The following SRSF3 variants were observed in gnomAD, a reference collection of about 807,000 sequenced individuals.
SRSF3 encodes serine and arginine rich splicing factor 3.
For missense variants in SRSF3, 58 were observed against 217.1 expected (o/e 0.27, Z 4.61); for synonymous variants, 87 against 73.6 (o/e 1.18, Z -0.93).
chr6:36,600,329 G>A (rs1251561011), intron 3 of SRSF3: 3 of 958,502 alleles, frequency 3.1e-6, no homozygotes, highest in South Asian at 4.5e-5. Context: ...AGGAGTAAGC[G>A]GCTTAAAGTA....
rs947994734 is a variant in SRSF3 at position 36,596,855 on chromosome 6, C to T, written c.93C>T (p.Gly31=). The T allele has an allele frequency of 3.7e-6, 6 of 1,613,990 alleles. No homozygotes were observed. The highest frequency in any genetic ancestry group is 3.3e-5 in the South Asian group (3 of 91,072). Residue 31 remains glycine, a synonymous_variant, in exon 2 of 6, where the codon GGC becomes GGT. Coordinates refer to ENST00000373715, the MANE Select transcript of SRSF3 (RefSeq NM_003017.5). ...AGACGGAATTGGAACGGGCTTTTGG[C>T]TACTATGGACCACTCCGAAGTGTGT... ...GNKTELERAF[G]YYGPLRSVWV...
At chr6:36,595,852 A>G (rs73408326) in intron 1 of SRSF3, among the ~76,000 whole-genome samples, 4,029 of 152,272 alleles carry the variant, frequency 0.026, 62 homozygotes, top group African/African-American at 0.039. Flanking sequence ...ACTCTGGTCT[A>G]TCTAATGACA....
chr6:36,605,508 G>A lies in SRSF3; in HGVS notation c.*3519G>A, dbSNP rs1418298000. On this transcript the variant is annotated 3_prime_UTR_variant, in exon 6 of 6. Coordinates refer to ENST00000373715, the MANE Select transcript of SRSF3 (RefSeq NM_003017.5). ...GTCTCCAAAAAAAAAAAAAAAGTTT[G>A]TTTTGGTAAGCCTAGTATAATTGAT... The A allele has an allele frequency of 1.3e-5, 2 of 151,064 alleles. No homozygotes were observed. The highest frequency in any genetic ancestry group is 3.0e-5 in the Non-Finnish European group (2 of 67,732). 9.4% of individuals were successfully genotyped at this position (151,064 alleles called of 1,614,324 possible). A position where few individuals can be genotyped will look rare whatever the true frequency, so the allele number is the denominator to read the frequency against.
At chr6:36,601,328 T>C in intron 4 of SRSF3, 138 bp downstream of exon 4, 1 of 822,056 alleles carries the variant, frequency 1.2e-6, no homozygotes, top group Non-Finnish European at 1.9e-6. Flanking sequence ...GAGTCAGCTT[T>C]CTTTGAGTTT....
At position 36,601,240 on chromosome 6, in the gene SRSF3, G is replaced by T. The variant is rs774514710; in HGVS notation, c.380+50G>T. The stretch of plus-strand genomic sequence containing the variant: ...CGTTCTTAGAAATGGCAGTGTTTCT[G>T]CTATTCCTAAACTTTTCCAGGTGGC... On this transcript the variant is annotated intron_variant, in intron 4 of 5. Coordinates refer to ENST00000373715, the MANE Select transcript of SRSF3 (RefSeq NM_003017.5). 6 of 1,602,456 alleles carry T rather than the reference G, an allele frequency of 3.7e-6. No homozygotes were observed. In the African/African-American group the frequency reaches 6.7e-5, roughly 18 times the overall value.
At chr6:36,596,640 T>C in intron 1 of SRSF3, 121 bp from the exon 2 acceptor site, 1 of 856,284 alleles carries the variant, frequency 1.2e-6, no homozygotes, top group Non-Finnish European at 1.8e-6. Context: ...TTTGTAATTT[T>C]TTTTTCTTTA....
rs1315607090 is a variant in SRSF3, at chr6:36,603,870, T to C, written c.*1881T>C. Reference sequence around the variant, plus strand: ...CAGTATATGACTTCCTTGCAGGCTCTTAAGTTGGAAGGGTTTCTGTAAAAA... The same window carrying C: ...CAGTATATGACTTCCTTGCAGGCTCCTAAGTTGGAAGGGTTTCTGTAAAAA... On this transcript the variant is annotated 3_prime_UTR_variant, in exon 6 of 6. Coordinates refer to ENST00000373715, the MANE Select transcript of SRSF3 (RefSeq NM_003017.5). 1 of 231,208 alleles carries C rather than the reference T, an allele frequency of 4.3e-6. No homozygotes were observed. The highest frequency in any genetic ancestry group is 8.6e-6 in the Non-Finnish European group (1 of 116,908). 14.3% of individuals were successfully genotyped at this position (231,208 alleles called of 1,614,324 possible). A position where few individuals can be genotyped will look rare whatever the true frequency, so the allele number is the denominator to read the frequency against.
rs1778794411 is a variant in SRSF3 at position 36,605,523 on chromosome 6, G to A, written c.*3534G>A. 6.6e-6 allele frequency: 1 copy of A among 151,720 alleles called. No homozygotes were observed. Among genetic ancestry groups the A allele is most frequent in the Non-Finnish European group, 1.5e-5 (1 of 67,936 alleles). The allele number at this position is 151,720 out of a possible 1,614,324, so 9.4% of individuals were successfully genotyped here. ...AAAAAAGTTTGTTTTGGTAAGCCTA[G>A]TATAATTGATTAGTTTTGTCCATGC... On this transcript the variant is annotated 3_prime_UTR_variant, in exon 6 of 6. Transcript: ENST00000373715.
intron 2 of SRSF3, chr6:36,597,240 G>A (rs1051092257): frequency 8.5e-5 from 41 of 479,648 alleles, no homozygotes; most frequent in South Asian, 8.3e-4. Flanking sequence ...TGAGTAACTG[G>A]GACTACAGGC....
chr6:36,601,577 C>T (rs1582514443), intron 4 of SRSF3, 131 bp from the exon 5 acceptor site: 3 of 826,138 alleles, frequency 3.6e-6, no homozygotes, highest in African/African-American at 1.7e-5. Context: ...CTCTTGGCTT[C>T]AAGTGAGCCT....
chr6:36,596,897 A>T lies in SRSF3; in HGVS notation c.135A>T (p.Pro45=). 1.9e-6 allele frequency: 3 copies of T among 1,614,018 alleles called. No homozygotes were observed. The highest frequency in any genetic ancestry group is 2.5e-6 in the Non-Finnish European group (3 of 1,179,986). Residue 45 remains proline, a synonymous_variant, in exon 2 of 6, where the codon CCA becomes CCT. Transcript: ENST00000373715. ...GAAGTGTGTGGGTTGCTAGAAACCC[A>T]CCCGGCTTTGCTTTTGTTGAATTTG... is the stretch of plus-strand genomic sequence containing the variant. ...PLRSVWVARN[P]PGFAFVEFED...
intron 1 of SRSF3, among the ~76,000 whole-genome samples, 195 bp from the exon 2 acceptor site, chr6:36,596,566 C>CGG (rs1778630774): frequency 1.7e-4 from 1 of 5,962 alleles, no homozygotes; most frequent in Non-Finnish European, 3.2e-4. Flanking sequence ...GATAATGGGG[C>CGG]GGGGTGGCGG....
chr6:36,598,777 A>G, intron 2 of SRSF3, 72 bp from the exon 3 acceptor site: 1 of 1,547,514 alleles, frequency 6.5e-7, no homozygotes, highest in Non-Finnish European at 8.8e-7. Flanking sequence ...TAGCCAACTG[A>G]GAGTACTTTT....
chr6:36,601,076 A>G (rs2127506447), intron 3 of SRSF3, 76 bp from the exon 4 acceptor site: 1 of 1,263,712 alleles, frequency 7.9e-7, no homozygotes, highest in East Asian at 3.2e-5. Context: ...CAACAGTGAG[A>G]TTGAAAAGTT....
At chr6:36,599,254 A>G (rs904274346) in intron 3 of SRSF3, among the ~76,000 whole-genome samples, 6 of 152,132 alleles carry the variant, frequency 3.9e-5, no homozygotes, top group Non-Finnish European at 8.8e-5. Context: ...ATCTTCCCTT[A>G]TACTTCAGTT....
chr6:36,598,825 A>T (rs1200513819), intron 2 of SRSF3, 24 bp from the exon 3 acceptor site: 5 of 1,607,202 alleles, frequency 3.1e-6, no homozygotes, highest in South Asian at 1.1e-5. Flanking sequence ...GGCTGTTTTA[A>T]GTTTAATATC....
chr6:36,599,660 CAAAATCTTGCCCCTTTTGCTATTTTGA>C (rs1778686578), intron 3 of SRSF3: 1 of 502,390 alleles, frequency 2.0e-6, no homozygotes, highest in Non-Finnish European at 3.5e-6. Flanking sequence ...GACAGGAGTT[CAAAATCTTGCCCCTTTTGCTATTTTGA>C]AAAACAACAG....
intron 2 of SRSF3, chr6:36,598,368 T>A (rs1778665710): frequency 6.6e-6 from 1 of 152,320 alleles, no homozygotes; most frequent in African/African-American, 2.4e-5. Context: ...GAAATTTTAA[T>A]TTGAAACTGG....
chr6:36,603,479 A>G lies in SRSF3; in HGVS notation c.*1490A>G, dbSNP rs772714824. The G allele has an allele frequency of 4.0e-5, 9 of 224,106 alleles. No homozygotes were observed. Among genetic ancestry groups the G allele is most frequent in the Non-Finnish European group, 6.2e-5 (7 of 112,234 alleles). 13.9% of individuals were successfully genotyped at this position (224,106 alleles called of 1,614,324 possible). On this transcript the variant is annotated 3_prime_UTR_variant, in exon 6 of 6. Transcript: ENST00000373715. Reference sequence around the variant, plus strand: ...TATGCTCTTAAGATAGTTTTGGATTATGCGGTATTGACTGTCTTAAATATG... The same window carrying G: ...TATGCTCTTAAGATAGTTTTGGATTGTGCGGTATTGACTGTCTTAAATATG...
Sources: allele counts gnomAD v4.1 joint callset (sites outside exome capture counted in the v4.1 genomes callset), GRCh38; gene constraint gnomAD v4.1.1; transcripts MANE v1.5; gene names NCBI Gene and HGNC (gene_info 2026-07-23, HGNC 2026-07-21).